CHD6: variants seen among roughly 807,000 people sequenced by gnomAD.
CHD6 encodes the protein ATP-dependent chromatin remodeler CHD6.
Under a neutral mutation model 276.9 loss-of-function variants are expected in CHD6, and 50 were observed. That is an observed-to-expected ratio of 0.18 (90% CI 0.14 to 0.23). CHD6 has a LOEUF of 0.23. CHD6 is among the 10% of genes least tolerant of loss of function. CHD6 has a pLI of 1.00. For synonymous variants in CHD6, 1,173 were observed against 1,229.3 expected, an observed-to-expected ratio of 0.95 and a Z score of 0.96; for missense variants, 2,564 against 3,365.8, an observed-to-expected ratio of 0.76 and a Z score of 5.89.
At chr20:41,449,532 AG>A (rs2048173034) in intron 23 of CHD6, among the ~76,000 whole-genome samples, 1 of 152,234 alleles carries the variant, frequency 6.6e-6, no homozygotes, top group Non-Finnish European at 1.5e-5. Context: ...ATCAATTCAG[AG>A]GATGGATGGA....
At chr20:41,562,451 T>G (rs2045311239) in intron 1 of CHD6, among the ~76,000 whole-genome samples, 1 of 152,150 alleles carries the variant, frequency 6.6e-6, no homozygotes, top group Admixed American at 6.5e-5. Context: ...GAGAATATTT[T>G]TGCCTTAAAG....
intron 17 of CHD6, chr20:41,461,880 C>T (rs2048560079): frequency 6.6e-6 from 1 of 152,220 alleles, no homozygotes; most frequent in African/African-American, 2.4e-5. Flanking sequence ...CAGAACAGAC[C>T]CTGGGGTCTC....
In CHD6 at chr20:41,412,127, G is replaced by A. The variant is rs772167928; in HGVS notation, c.7251+17C>T. On this transcript the variant is annotated intron_variant, in intron 36 of 36. Coordinates refer to ENST00000373233, the MANE Select transcript of CHD6 (RefSeq NM_032221.5). ...ATGCTCCTCCTGGCCCCACACTCAC[G>A]TGGCCTTCTTCCTTACCCTCAGTCC... 1.2e-5 allele frequency: 20 copies of A among 1,613,500 alleles called. 1 individual carries two copies. In the East Asian group the frequency reaches 1.8e-4, roughly 14 times the overall value.
At chr20:41,483,746 TAGAG>T (rs1439490063) in intron 15 of CHD6, among the ~76,000 whole-genome samples, 2 of 152,012 alleles carry the variant, frequency 1.3e-5, no homozygotes, top group Non-Finnish European at 2.9e-5. Context: ...TCTCACCAAG[TAGAG>T]AGAGGATCTG....
chr20:41,464,886 A>G (rs1010490313), intron 17 of CHD6, among the ~76,000 whole-genome samples: 1 of 152,262 alleles, frequency 6.6e-6, no homozygotes, highest in Non-Finnish European at 1.5e-5. Context: ...GAGCATGTCA[A>G]AAAAACACAG....
Position 41,423,528 on chromosome 20 carries a change from G to A in CHD6, c.4519C>T (p.Arg1507Trp), listed in dbSNP as rs758593434. ...QYFYSFVAMC[R>W]NVCRLPTWKD... Reference sequence around the variant, plus strand: ...CATGTGGGTAGACGACAGACATTCCGGCACATGGCCACAAAACTATAAAAA... The same window carrying A: ...CATGTGGGTAGACGACAGACATTCCAGCACATGGCCACAAAACTATAAAAA... The change falls in exon 30 of 37, where the codon CGG becomes TGG. Residue 1507 changes from arginine to tryptophan, a missense_variant. Transcript: ENST00000373233. 4.3e-6 allele frequency: 7 copies of A among 1,614,014 alleles called. No homozygotes were observed. The highest frequency in any genetic ancestry group is 1.7e-5 in the Admixed American group (1 of 60,010).
chr20:41,463,179 T>C (rs1031614396), intron 17 of CHD6, among the ~76,000 whole-genome samples: 1 of 152,142 alleles, frequency 6.6e-6, no homozygotes, highest in African/African-American at 2.4e-5. Context: ...AAAGAACCCA[T>C]GTATTCATAT....
At chr20:41,607,543 G>C (rs903333868) in intron 1 of CHD6, among the ~76,000 whole-genome samples, 1 of 152,108 alleles carries the variant, frequency 6.6e-6, no homozygotes, top group Non-Finnish European at 1.5e-5. Context: ...AAAAGACAAA[G>C]GCAATTCAAT....
chr20:41,495,033 C>G (rs1225360401), intron 8 of CHD6, among the ~76,000 whole-genome samples: 1 of 129,128 alleles, frequency 7.7e-6, no homozygotes, highest in Non-Finnish European at 1.6e-5. Context: ...AATCCCCTCC[C>G]TATCTGGGTT....
chr20:41,428,248 C>G (rs181292330), intron 27 of CHD6, among the ~76,000 whole-genome samples: 1 of 152,164 alleles, frequency 6.6e-6, no homozygotes, highest in African/African-American at 2.4e-5. Context: ...CTAGAAATGA[C>G]AGAATGAAGA....
chr20:41,581,697 T>C (rs2045542837), intron 1 of CHD6, among the ~76,000 whole-genome samples: 2 of 151,706 alleles, frequency 1.3e-5, no homozygotes, highest in Admixed American at 1.3e-4. Flanking sequence ...AAATCACCAT[T>C]ATCACCACTT....
At chr20:41,488,669 T>A in intron 12 of CHD6, 65 bp from the exon 13 acceptor site, 2 of 1,449,536 alleles carry the variant, frequency 1.4e-6, no homozygotes, top group Non-Finnish European at 1.9e-6. Context: ...TAATATCTGC[T>A]GGACTACAGG....
intron 16 of CHD6, among the ~76,000 whole-genome samples, chr20:41,474,582 CGACAACA>C (rs1569117832): frequency 6.6e-6 from 1 of 152,084 alleles, no homozygotes; most frequent in Non-Finnish European, 1.5e-5. Flanking sequence ...CACCCCAAAC[CGACAACA>C]GCCAAGACCA....
At chr20:41,577,659 TAAAC>T (rs1205718729) in intron 1 of CHD6, among the ~76,000 whole-genome samples, 1 of 152,186 alleles carries the variant, frequency 6.6e-6, no homozygotes, top group Non-Finnish European at 1.5e-5. Context: ...GCAAACACAA[TAAAC>T]AAAACAAATA....
intron 3 of CHD6, among the ~76,000 whole-genome samples, chr20:41,520,031 G>A (rs978103900): frequency 1.1e-4 from 16 of 152,204 alleles, no homozygotes; most frequent in South Asian, 4.2e-4. Flanking sequence ...GACATTTCTC[G>A]AAAGAAGACA....
At chr20:41,425,908 G>A (rs1174275634) in intron 28 of CHD6, among the ~76,000 whole-genome samples, 185 bp downstream of exon 28, 1 of 152,118 alleles carries the variant, frequency 6.6e-6, no homozygotes, top group Non-Finnish European at 1.5e-5. Flanking sequence ...TTAATGCCAG[G>A]TAGAGGAAGC....
intron 24 of CHD6, 146 bp from the exon 25 acceptor site, chr20:41,445,914 C>T: frequency 1.7e-6 from 1 of 586,774 alleles, no homozygotes; most frequent in South Asian, 2.3e-5. Flanking sequence ...TGTTTCTCAA[C>T]CAGGGCTTTG....
At chr20:41,522,291 A>G (rs184666262) in intron 3 of CHD6, among the ~76,000 whole-genome samples, 258 of 152,318 alleles carry the variant, frequency 1.7e-3, no homozygotes, top group African/African-American at 6.1e-3. Context: ...GGCTGTAGTC[A>G]GTCATGATTG....
chr20:41,593,204 G>GGGA (rs1568723266), intron 1 of CHD6, among the ~76,000 whole-genome samples: 1 of 69,466 alleles, frequency 1.4e-5, no homozygotes. Context: ...AATCAAAAAG[G>GGGA]GGGGGGGGGG....
Sources: gnomAD v4.1 joint callset for allele counts (sites outside exome capture counted in the v4.1 genomes callset) on GRCh38, gnomAD v4.1.1 for gene constraint, MANE v1.5 for transcripts, NCBI Gene and HGNC (gene_info 2026-07-23, HGNC 2026-07-21) for gene names.